Variants in PDE10A observed in about 807,000 individuals in gnomAD.
PDE10A encodes the protein phosphodiesterase 10A.
A neutral mutation model predicts 97.7 loss-of-function variants in PDE10A; 39 were observed. The ratio of observed to expected loss-of-function variants is 0.40; its 90% CI spans 0.31 to 0.52. The LOEUF (loss-of-function observed/expected upper bound fraction) is 0.52. Among genes scored for constraint, PDE10A ranks in the 20% least tolerant of loss-of-function variants. The pLI, the probability that PDE10A is intolerant of heterozygous loss-of-function variation, is 0.56. For synonymous variants in PDE10A, 371 were observed against 376.8 expected (o/e 0.98, Z 0.18); for missense variants, 731 against 1,047.8 (o/e 0.70, Z 4.17).
At chr6:165,858,538 C>A (rs1024218574) in intron 1 of PDE10A, among the ~76,000 whole-genome samples, 4 of 152,228 alleles carry the variant, frequency 2.6e-5, no homozygotes, top group African/African-American at 9.6e-5. Flanking sequence ...AGTGCTCCAT[C>A]CCTCTTCCCC....
chr6:165,863,013 C>A (rs1235718934), intron 1 of PDE10A, among the ~76,000 whole-genome samples: 1 of 152,206 alleles, frequency 6.6e-6, no homozygotes, highest in African/African-American at 2.4e-5. Context: ...ATTTACAATT[C>A]TTGAATTGGA....
chr6:165,712,813 G>T (rs1443373214), intron 1 of PDE10A, among the ~76,000 whole-genome samples: 9 of 151,698 alleles, frequency 5.9e-5, no homozygotes, highest in Non-Finnish European at 1.3e-4. Context: ...CTTATTTTTT[G>T]TATTTTTTAG....
At chr6:165,673,326 C>G (rs1790700851) in intron 1 of PDE10A, among the ~76,000 whole-genome samples, 1 of 152,190 alleles carries the variant, frequency 6.6e-6, no homozygotes. Flanking sequence ...CAGGTTCTTC[C>G]AGGAGTCCAT....
chr6:165,441,381 A>C (rs1025021262), intron 5 of PDE10A, among the ~76,000 whole-genome samples: 1 of 152,214 alleles, frequency 6.6e-6, no homozygotes, highest in East Asian at 1.9e-4. Flanking sequence ...TTGTATGCTC[A>C]GCAATTTAGC....
At chr6:165,983,855 A>C (rs1785095394) in intron 1 of PDE10A, among the ~76,000 whole-genome samples, 1 of 152,266 alleles carries the variant, frequency 6.6e-6, no homozygotes, top group Admixed American at 6.5e-5. Context: ...GTTATGTGTC[A>C]TGAACAGCTG....
intron 1 of PDE10A, among the ~76,000 whole-genome samples, chr6:165,648,343 T>C (rs1052850337): frequency 6.6e-6 from 1 of 151,364 alleles, no homozygotes; most frequent in Non-Finnish European, 1.5e-5. Flanking sequence ...CATCAGACCA[T>C]CCACTGTTTC....
At chr6:165,590,878 G>A (rs1046977654) in intron 1 of PDE10A, among the ~76,000 whole-genome samples, 3 of 152,052 alleles carry the variant, frequency 2.0e-5, no homozygotes, top group Admixed American at 1.3e-4. Flanking sequence ...GCGACAGAGC[G>A]AGACTCTGTC....
At chr6:165,595,346 T>A (rs1420388228) in intron 1 of PDE10A, among the ~76,000 whole-genome samples, 1 of 152,112 alleles carries the variant, frequency 6.6e-6, no homozygotes, top group Non-Finnish European at 1.5e-5. Flanking sequence ...TATTATAGAG[T>A]TAAGAAAACT....
intron 18 of PDE10A, among the ~76,000 whole-genome samples, chr6:165,373,445 G>A (rs189432557): frequency 2.0e-5 from 3 of 152,266 alleles, no homozygotes; most frequent in African/African-American, 7.2e-5. Flanking sequence ...CTTCTCAAAA[G>A]AAGACATTTA....
chr6:165,348,011 C>T (rs879311624), intron 18 of PDE10A, among the ~76,000 whole-genome samples: 14 of 152,082 alleles, frequency 9.2e-5, no homozygotes, highest in Non-Finnish European at 1.8e-4. Flanking sequence ...CTTTCTTTGA[C>T]GTGCACGTAC....
chr6:165,697,690 G>C (rs1428873344), intron 1 of PDE10A, among the ~76,000 whole-genome samples: 2 of 152,160 alleles, frequency 1.3e-5, no homozygotes, highest in Non-Finnish European at 2.9e-5. Context: ...AAGTAGAATG[G>C]AGGCTTTCAG....
intron 18 of PDE10A, among the ~76,000 whole-genome samples, chr6:165,359,954 T>C (rs1783285290): frequency 6.6e-6 from 1 of 152,132 alleles, no homozygotes; most frequent in Admixed American, 6.5e-5. Flanking sequence ...GAAATCTGGG[T>C]CATGATGTCT....
chr6:165,583,666 AG>A (rs1484362962), intron 1 of PDE10A, among the ~76,000 whole-genome samples: 3 of 152,144 alleles, frequency 2.0e-5, no homozygotes, highest in Non-Finnish European at 4.4e-5. Flanking sequence ...AGAAAAGAAA[AG>A]GGGTATTTGA....
chr6:165,447,884 G>C (rs1298417117), intron 5 of PDE10A, among the ~76,000 whole-genome samples: 1 of 152,116 alleles, frequency 6.6e-6, no homozygotes, highest in Non-Finnish European at 1.5e-5. Context: ...AGCGTAATTT[G>C]TTACAATACA....
At chr6:165,381,329 T>C (rs1034788614) in intron 17 of PDE10A, among the ~76,000 whole-genome samples, 1 of 152,218 alleles carries the variant, frequency 6.6e-6, no homozygotes, top group Non-Finnish European at 1.5e-5. Flanking sequence ...CTGACTACTT[T>C]GGAGTCATTA....
chr6:165,767,211 G>C (rs373367797), intron 1 of PDE10A, among the ~76,000 whole-genome samples: 43 of 152,304 alleles, frequency 2.8e-4, no homozygotes, highest in African/African-American at 9.1e-4. Flanking sequence ...CTTATTGTTA[G>C]ACTAGGGGAC....
At position 165,411,786 on chromosome 6, in the gene PDE10A, AAGAG is replaced by A. The variant is rs146225696; in HGVS notation, c.2076+1711_2076+1714del. 1.6e-4 allele frequency among the ~76,000 whole-genome samples: 24 copies of A among 152,342 alleles called. 1 individual carries two copies. The East Asian group carries it at 2.1e-3, about 13-fold the overall frequency. On this transcript the variant is annotated intron_variant, in intron 13 of 21. Transcript: ENST00000539869. ...AAAGATAGTATCTATTTAACAGAGAAAGAGAGAGACAGAGAAAGTATATCAAAGC... is the reference window on the plus strand; with the variant it reads ...AAAGATAGTATCTATTTAACAGAGAAAGAGACAGAGAAAGTATATCAAAGC...
chr6:165,761,983 A>G (rs903432), intron 1 of PDE10A, among the ~76,000 whole-genome samples: 21,278 of 151,938 alleles, frequency 0.14, 2,266 homozygotes, highest in African/African-American at 0.29. Flanking sequence ...TCAGATATTT[A>G]CTCTCCCTGT....
intron 1 of PDE10A, among the ~76,000 whole-genome samples, chr6:165,871,724 C>T (rs1373752280): frequency 2.0e-5 from 3 of 152,150 alleles, no homozygotes; most frequent in Non-Finnish European, 4.4e-5. Flanking sequence ...CACCCAAAGG[C>T]AGAACCTCAG....
Sources: gnomAD v4.1 joint callset for allele counts (sites outside exome capture counted in the v4.1 genomes callset) on GRCh38, gnomAD v4.1.1 for gene constraint, MANE v1.5 for transcripts, NCBI Gene and HGNC (gene_info 2026-07-23, HGNC 2026-07-21) for gene names.